The following EPS15L1 variants were observed in gnomAD, a reference collection of about 807,000 sequenced individuals.
EPS15L1 encodes the protein epidermal growth factor receptor substrate 15-like 1.
A neutral mutation model predicts 117.1 loss-of-function variants in EPS15L1; 43 were observed. The ratio of observed to expected loss-of-function variants is 0.37; its 90% CI spans 0.29 to 0.47. The LOEUF is 0.47. Among genes scored for constraint, EPS15L1 ranks in the 20% least tolerant of loss-of-function variants. The pLI is 0.99. For synonymous variants in EPS15L1, 459 were observed against 470.5 expected (o/e 0.98, Z 0.32); for missense variants, 981 against 1,164.0 (o/e 0.84, Z 2.29).
At chr19:16,416,847 GGGAATACA>G (rs146202793) in intron 12 of EPS15L1, among the ~76,000 whole-genome samples, 1,773 of 152,066 alleles carry the variant, frequency 0.012, 37 homozygotes, top group African/African-American at 0.041. Context: ...GGATCCAGAG[GGGAATACA>G]GGAAGTGACT....
chr19:16,396,444 T>C (rs988989055), intron 16 of EPS15L1, among the ~76,000 whole-genome samples: 2 of 152,106 alleles, frequency 1.3e-5, no homozygotes, highest in African/African-American at 4.8e-5. Context: ...ATATTTTTTG[T>C]AGAAATGAAG....
At chr19:16,471,986 G>A (rs1051291811), upstream of EPS15L1, 106 of 1,257,804 alleles carry the variant, frequency 8.4e-5, 1 homozygote, top group Middle Eastern at 2.5e-3. The surrounding 1 kb of genome is among the most constrained non-coding windows in gnomAD (Gnocchi z 4.8). Context: ...GGGAACGGGG[G>A]CGGGGCTGCA....
At chr19:16,409,090 T>G (rs2092683454) in intron 13 of EPS15L1, among the ~76,000 whole-genome samples, 1 of 152,080 alleles carries the variant, frequency 6.6e-6, no homozygotes. Flanking sequence ...ATTAGCTAGG[T>G]GTGGCAGTGC....
intron 1 of EPS15L1, among the ~76,000 whole-genome samples, chr19:16,460,284 TAAAA>T (rs1177414544): frequency 1.3e-5 from 2 of 151,728 alleles, no homozygotes; most frequent in Non-Finnish European, 2.9e-5. Context: ...TCTCTAAAAA[TAAAA>T]AAAGAACAGT....
At chr19:16,355,876 G>T (rs2091973152) in intron 23 of EPS15L1, 25 bp from the exon 24 acceptor site, 1 of 1,533,118 alleles carries the variant, frequency 6.5e-7, no homozygotes, top group African/African-American at 1.4e-5. Flanking sequence ...CGGAGAGTGG[G>T]TGATGTGGCC....
chr19:16,406,866 A>G (rs2092661828), intron 13 of EPS15L1, among the ~76,000 whole-genome samples: 1 of 152,188 alleles, frequency 6.6e-6, no homozygotes, highest in Admixed American at 6.5e-5. Flanking sequence ...CCCCAAGATG[A>G]TGGTATTAGG....
At chr19:16,456,688 A>C (rs2093200374) in intron 1 of EPS15L1, among the ~76,000 whole-genome samples, 3 of 150,194 alleles carry the variant, frequency 2.0e-5, no homozygotes, top group Admixed American at 2.0e-4. Context: ...AACAAACAAA[A>C]AATAGAGTCC....
intron 4 of EPS15L1, among the ~76,000 whole-genome samples, chr19:16,439,104 G>C (rs2093005441): frequency 6.7e-6 from 1 of 149,602 alleles, no homozygotes; most frequent in African/African-American, 2.5e-5. Flanking sequence ...ACTGGCCTAA[G>C]AACATGGATA....
At chr19:16,407,269 T>A (rs1468725706) in intron 13 of EPS15L1, among the ~76,000 whole-genome samples, 1 of 152,080 alleles carries the variant, frequency 6.6e-6, no homozygotes, top group African/African-American at 2.4e-5. Flanking sequence ...CCCTACTCAC[T>A]CTTGGCTCTC....
At chr19:16,433,596 G>A (rs2092950328) in intron 7 of EPS15L1, among the ~76,000 whole-genome samples, 1 of 152,120 alleles carries the variant, frequency 6.6e-6, no homozygotes, top group Non-Finnish European at 1.5e-5. Flanking sequence ...GGCTGAGGTG[G>A]GAGGATGGCT....
At chr19:16,456,315 C>T (rs2093195641) in intron 1 of EPS15L1, among the ~76,000 whole-genome samples, 1 of 152,230 alleles carries the variant, frequency 6.6e-6, no homozygotes, top group Admixed American at 6.5e-5. Context: ...ACATGCTGAA[C>T]TCGTGCTAAG....
chr19:16,418,499 T>C (rs1006576054), intron 10 of EPS15L1, among the ~76,000 whole-genome samples: 1 of 152,224 alleles, frequency 6.6e-6, no homozygotes, highest in African/African-American at 2.4e-5. Context: ...AGACCAAGCA[T>C]TGTCCCTGTA....
intron 1 of EPS15L1, among the ~76,000 whole-genome samples, chr19:16,458,061 C>T (rs1326959237): frequency 6.6e-6 from 1 of 152,138 alleles, no homozygotes; most frequent in Admixed American, 6.5e-5. Flanking sequence ...CTACTACTCC[C>T]TAACAGAGCA....
chr19:16,419,610 C>A (rs936339361), intron 10 of EPS15L1, among the ~76,000 whole-genome samples: 1 of 152,136 alleles, frequency 6.6e-6, no homozygotes. Flanking sequence ...CGTGTAGCTG[C>A]GGCAGAAGCC....
chr19:16,401,946 CCT>C (rs1270982416), intron 16 of EPS15L1: 20 of 1,026,884 alleles, frequency 1.9e-5, no homozygotes, highest in African/African-American at 1.2e-4. Flanking sequence ...TCCCCTGCCC[CCT>C]GATTAGTAGA....
At chr19:16,463,609 T>C (rs993164672) in intron 1 of EPS15L1, among the ~76,000 whole-genome samples, 3 of 152,170 alleles carry the variant, frequency 2.0e-5, no homozygotes, top group Admixed American at 6.5e-5. Context: ...CAGATGATTG[T>C]TGAGCACCTG....
At chr19:16,363,285 G>A (rs769607330) in intron 22 of EPS15L1, among the ~76,000 whole-genome samples, 2 of 152,120 alleles carry the variant, frequency 1.3e-5, no homozygotes, top group Non-Finnish European at 2.9e-5. Flanking sequence ...TGGAAGTTTC[G>A]AAGCTAATGT....
intron 1 of EPS15L1, among the ~76,000 whole-genome samples, chr19:16,468,450 A>AT (rs1421497558): frequency 6.6e-6 from 1 of 152,102 alleles, no homozygotes; most frequent in African/African-American, 2.4e-5. Context: ...GTTTCAAGCG[A>AT]TTCTTGTGCC....
intron 21 of EPS15L1, among the ~76,000 whole-genome samples, chr19:16,379,481 C>A (rs748578544): frequency 6.6e-6 from 1 of 152,124 alleles, no homozygotes; most frequent in Admixed American, 6.5e-5. Flanking sequence ...GGGTTTCCCT[C>A]GAGAATCTGA....
Sources: gnomAD v4.1 joint callset for allele counts (sites outside exome capture counted in the v4.1 genomes callset) on GRCh38, gnomAD v4.1.1 for gene constraint, Gnocchi (gnomAD v3.1) non-coding constraint, MANE v1.5 for transcripts, NCBI Gene and HGNC (gene_info 2026-07-23, HGNC 2026-07-21) for gene names.